CNGB3: variants seen among roughly 807,000 people sequenced by gnomAD.
The protein encoded by CNGB3 is cyclic nucleotide-gated channel beta-3.
A neutral mutation model predicts 92.8 loss-of-function variants in CNGB3; 86 were observed. The ratio of observed to expected loss-of-function variants is 0.93; its 90% confidence interval spans 0.78 to 1.11. The LOEUF (loss-of-function observed/expected upper bound fraction) is 1.11. CNGB3 is among the 50% of genes least tolerant of loss of function. The pLI is 0.00. For synonymous variants in CNGB3, 333 were observed against 332.7 expected (o/e 1.00, Z -0.01); for missense variants, 1,026 against 956.8 (o/e 1.07, Z -0.95).
intron 15 of CNGB3, among the ~76,000 whole-genome samples, chr8:86,597,486 A>G (rs1249689391): frequency 6.6e-6 from 1 of 152,204 alleles, no homozygotes; most frequent in Non-Finnish European, 1.5e-5. Flanking sequence ...AAGGAACATC[A>G]TTGGATGAAA....
At chr8:86,710,068 A>C (rs1334294589) in intron 3 of CNGB3, among the ~76,000 whole-genome samples, 1 of 152,078 alleles carries the variant, frequency 6.6e-6, no homozygotes, top group African/African-American at 2.4e-5. Context: ...TGGTTTGCCA[A>C]CTCACAAATC....
At chr8:86,729,175 A>G (rs547978028) in intron 2 of CNGB3, among the ~76,000 whole-genome samples, 1 of 152,238 alleles carries the variant, frequency 6.6e-6, no homozygotes, top group African/African-American at 2.4e-5. Context: ...TGCTGGGATT[A>G]TTGGTGTGAG....
intron 10 of CNGB3, among the ~76,000 whole-genome samples, chr8:86,642,251 A>T (rs1236401083): frequency 6.6e-6 from 1 of 151,756 alleles, no homozygotes; most frequent in Non-Finnish European, 1.5e-5. Flanking sequence ...TATCAGCCAC[A>T]GTCATCTAAT....
chr8:86,724,641 T>C (rs1825027873), intron 3 of CNGB3, among the ~76,000 whole-genome samples: 1 of 152,076 alleles, frequency 6.6e-6, no homozygotes, highest in African/African-American at 2.4e-5. Flanking sequence ...ATAAAATGCA[T>C]CAGCAATAAA....
chr8:86,607,752 C>G (rs1822438638), intron 14 of CNGB3, among the ~76,000 whole-genome samples: 1 of 152,204 alleles, frequency 6.6e-6, no homozygotes, highest in Non-Finnish European at 1.5e-5. Flanking sequence ...ACCACTCAGT[C>G]AATTTCTGAA....
At chr8:86,674,209 G>A (rs1418776739) in intron 3 of CNGB3, among the ~76,000 whole-genome samples, 3 of 152,162 alleles carry the variant, frequency 2.0e-5, no homozygotes, top group African/African-American at 7.2e-5. Flanking sequence ...AAGATCTGAG[G>A]AGAATATTTT....
At chr8:86,628,208 C>T (rs959387464) in intron 12 of CNGB3, among the ~76,000 whole-genome samples, 3 of 152,032 alleles carry the variant, frequency 2.0e-5, no homozygotes, top group Non-Finnish European at 2.9e-5. Context: ...GCTCTGTTGC[C>T]TAGGCTGGAG....
chr8:86,650,703 C>A (rs896020085), intron 7 of CNGB3, among the ~76,000 whole-genome samples: 2 of 151,570 alleles, frequency 1.3e-5, no homozygotes, highest in Non-Finnish European at 3.0e-5. Flanking sequence ...AGTGTGTATG[C>A]ACTGCTGGTG....
At chr8:86,649,062 A>G (rs2131598639) in intron 7 of CNGB3, among the ~76,000 whole-genome samples, 1 of 151,620 alleles carries the variant, frequency 6.6e-6, no homozygotes, top group African/African-American at 2.4e-5. Context: ...TCCCTTTACA[A>G]CAACTGTAAA....
intron 3 of CNGB3, among the ~76,000 whole-genome samples, chr8:86,719,447 G>A (rs1463646645): frequency 4.6e-5 from 7 of 152,018 alleles, no homozygotes; most frequent in Admixed American, 1.3e-4. Flanking sequence ...AATAAAATAC[G>A]TAGGAATATA....
intron 15 of CNGB3, among the ~76,000 whole-genome samples, chr8:86,590,168 CT>C (rs1403007694): frequency 6.6e-6 from 1 of 151,808 alleles, no homozygotes; most frequent in South Asian, 2.1e-4. Context: ...CAACCCCTGC[CT>C]TTTTTTGTTT....
intron 3 of CNGB3, among the ~76,000 whole-genome samples, chr8:86,723,616 A>G (rs1825011187): frequency 6.6e-6 from 1 of 152,150 alleles, no homozygotes; most frequent in Admixed American, 6.6e-5. Context: ...TCAGTTCTAC[A>G]TGGTATTGAA....
intron 14 of CNGB3, 66 bp downstream of exon 14, chr8:86,611,522 T>C: frequency 1.5e-6 from 2 of 1,316,052 alleles, no homozygotes; most frequent in South Asian, 2.4e-5. Context: ...ACAATGTTCT[T>C]GACTTATGTC....
At chr8:86,651,756 C>T (rs1402400737) in intron 7 of CNGB3, among the ~76,000 whole-genome samples, 1 of 151,738 alleles carries the variant, frequency 6.6e-6, no homozygotes, top group Admixed American at 6.6e-5. Context: ...AAGTATTGAC[C>T]AACACTAAAC....
At chr8:86,599,959 A>T (rs1457379775) in intron 15 of CNGB3, among the ~76,000 whole-genome samples, 1 of 152,112 alleles carries the variant, frequency 6.6e-6, no homozygotes, top group African/African-American at 2.4e-5. Context: ...GACTAATAAA[A>T]ACTTGCTGGT....
chr8:86,637,395 T>C (rs1484253621), intron 10 of CNGB3, among the ~76,000 whole-genome samples: 2 of 152,186 alleles, frequency 1.3e-5, no homozygotes, highest in African/African-American at 4.8e-5. Context: ...GGAAGTGGGA[T>C]GCCTTTGGCT....
intron 3 of CNGB3, among the ~76,000 whole-genome samples, chr8:86,671,473 T>C (rs1344003457): frequency 1.3e-5 from 2 of 152,142 alleles, no homozygotes; most frequent in Non-Finnish European, 2.9e-5. Flanking sequence ...CCAGGGACAA[T>C]AAGTATGGTG....
intron 13 of CNGB3, among the ~76,000 whole-genome samples, chr8:86,612,377 G>C (rs1272320678): frequency 1.3e-5 from 2 of 152,112 alleles, no homozygotes; most frequent in Non-Finnish European, 2.9e-5. Flanking sequence ...TAGTAGTTTT[G>C]AATCTTTTGC....
intron 13 of CNGB3, among the ~76,000 whole-genome samples, chr8:86,614,132 A>T (rs1193968351): frequency 6.6e-6 from 1 of 151,872 alleles, no homozygotes; most frequent in Admixed American, 6.6e-5. Flanking sequence ...TGGAAGTGGG[A>T]TCAGTCACAC....
Sources: gnomAD v4.1 joint callset for allele counts (sites outside exome capture counted in the v4.1 genomes callset) on GRCh38, gnomAD v4.1.1 for gene constraint, MANE v1.5 for transcripts, NCBI Gene and HGNC (gene_info 2026-07-23, HGNC 2026-07-21) for gene names.